SPMAP2L: variants seen among roughly 807,000 people sequenced by gnomAD.
SPMAP2L encodes the protein sperm microtubule associated protein 2 like.
chr4:56,557,310 CAG>C, the SPMAP2L span, among the ~76,000 whole-genome samples: 1 of 149,058 alleles, frequency 6.7e-6, no homozygotes, highest in African/African-American at 2.5e-5. Context: ...AAAAAACAAA[CAG>C]AGAGAGCTGC....
At chr4:56,601,057 A>G in the SPMAP2L span, 2 of 1,535,264 alleles carry the variant, frequency 1.3e-6, no homozygotes, top group Non-Finnish European at 1.7e-6. Flanking sequence ...TTATGCTACT[A>G]CTCATTCCAA....
chr4:56,599,021 G>A, the SPMAP2L span, among the ~76,000 whole-genome samples: 20 of 152,018 alleles, frequency 1.3e-4, no homozygotes, highest in Admixed American at 2.6e-4. Context: ...TTTGCCTTCC[G>A]CCATGATGGT....
chr4:56,601,564 G>A, the SPMAP2L span, among the ~76,000 whole-genome samples: 1 of 151,928 alleles, frequency 6.6e-6, no homozygotes, highest in Admixed American at 6.6e-5. Flanking sequence ...TTTGACATCA[G>A]CCTAGGCAAC....
chr4:56,580,846 T>C, the SPMAP2L span, among the ~76,000 whole-genome samples: 3 of 151,428 alleles, frequency 2.0e-5, no homozygotes, highest in African/African-American at 7.3e-5. Context: ...CAATGAACAA[T>C]CTGAAAGTGA....
chr4:56,598,776 A>C, the SPMAP2L span, among the ~76,000 whole-genome samples: 1 of 151,986 alleles, frequency 6.6e-6, no homozygotes, highest in Non-Finnish European at 1.5e-5. Context: ...AGCCTAAGTG[A>C]TAGGGTTTGG....
the SPMAP2L span, among the ~76,000 whole-genome samples, chr4:56,598,133 G>A: frequency 1.9e-3 from 285 of 152,260 alleles, 1 homozygote; most frequent in Non-Finnish European, 3.0e-3. Context: ...AAAGAGCTAG[G>A]ATTATAGGTG....
the SPMAP2L span, among the ~76,000 whole-genome samples, chr4:56,544,064 C>A: frequency 0.011 from 1,728 of 151,756 alleles, 19 homozygotes; most frequent in Non-Finnish European, 0.018. Flanking sequence ...AGGCTCACTG[C>A]AACAACCTCT....
the SPMAP2L span, chr4:56,593,360 G>C: frequency 5.7e-6 from 7 of 1,218,520 alleles, no homozygotes; most frequent in Admixed American, 6.7e-5. Flanking sequence ...GTCCAGACTC[G>C]AGCCAAATAT....
the SPMAP2L span, among the ~76,000 whole-genome samples, chr4:56,543,330 ACCTTGG>A: frequency 6.6e-6 from 1 of 152,002 alleles, no homozygotes; most frequent in Non-Finnish European, 1.5e-5. Context: ...TGATCTGCCC[ACCTTGG>A]CCTCCCAAAG....
At chr4:56,587,018 A>AT in the SPMAP2L span, among the ~76,000 whole-genome samples, 2 of 152,164 alleles carry the variant, frequency 1.3e-5, no homozygotes, top group African/African-American at 4.8e-5. Flanking sequence ...CAATAGCCTC[A>AT]TTTTTAAATT....
the SPMAP2L span, among the ~76,000 whole-genome samples, chr4:56,538,680 G>A: frequency 6.6e-6 from 1 of 152,288 alleles, no homozygotes; most frequent in African/African-American, 2.4e-5. Flanking sequence ...GCATGTGCCT[G>A]TAATCCCAGC....
At chr4:56,586,488 C>T in the SPMAP2L span, among the ~76,000 whole-genome samples, 1 of 152,202 alleles carries the variant, frequency 6.6e-6, no homozygotes, top group Non-Finnish European at 1.5e-5. Flanking sequence ...GCCCCACCTC[C>T]TAATTCAATC....
the SPMAP2L span, among the ~76,000 whole-genome samples, chr4:56,586,294 G>A: frequency 1.3e-5 from 2 of 152,110 alleles, no homozygotes; most frequent in Admixed American, 6.6e-5. Flanking sequence ...TTCTTTTCTT[G>A]GTGAGGGCCC....
the SPMAP2L span, among the ~76,000 whole-genome samples, chr4:56,542,166 G>A: frequency 2.0e-5 from 3 of 152,198 alleles, no homozygotes; most frequent in Non-Finnish European, 2.9e-5. Context: ...GCCTGGCGGC[G>A]GGGACATCAA....
the SPMAP2L span, among the ~76,000 whole-genome samples, chr4:56,544,745 T>C: frequency 1.7e-4 from 26 of 152,210 alleles, no homozygotes; most frequent in Non-Finnish European, 2.9e-4. Context: ...GCACGCGCTC[T>C]GGCTCCGCCG....
the SPMAP2L span, chr4:56,592,920 A>T: frequency 6.9e-5 from 111 of 1,607,150 alleles, no homozygotes; most frequent in Admixed American, 3.8e-4. Context: ...GCGAGCATTG[A>T]TGAATTGATC....
the SPMAP2L span, chr4:56,596,569 C>G: frequency 1.2e-5 from 19 of 1,534,072 alleles, 1 homozygote; most frequent in East Asian, 4.2e-4. Flanking sequence ...GCTTGCCCAC[C>G]CAAGGATCAA....
chr4:56,543,011 C>A, the SPMAP2L span, among the ~76,000 whole-genome samples: 4 of 147,864 alleles, frequency 2.7e-5, no homozygotes, highest in Non-Finnish European at 4.5e-5. Flanking sequence ...AAAGTAGGAA[C>A]TTAAAAAAAA....
the SPMAP2L span, among the ~76,000 whole-genome samples, chr4:56,570,394 A>G: frequency 3.3e-5 from 5 of 152,338 alleles, no homozygotes; most frequent in Non-Finnish European, 5.9e-5. Context: ...CCTAGATGGT[A>G]TAGCCTACTA....
Sources: allele counts gnomAD v4.1 joint callset (sites outside exome capture counted in the v4.1 genomes callset), GRCh38; gene constraint gnomAD v4.1.1; transcripts MANE v1.5; gene names NCBI Gene and HGNC (gene_info 2026-07-23, HGNC 2026-07-21).